The following PSMG2 variants were observed in gnomAD, a reference collection of about 807,000 sequenced individuals.
The protein encoded by PSMG2 is proteasome assembly chaperone 2, also known as CD40 ligand-activated specific transcript 3.
In PSMG2, 21 loss-of-function variants were observed where a neutral mutation model predicts 31.5. The observed-to-expected ratio is 0.67, with a 90% CI of 0.47 to 0.96. The LOEUF is 0.96. PSMG2 is among the 40% of genes least tolerant of loss of function. PSMG2 has a pLI of 0.00. For missense variants in PSMG2, 318 were observed against 321.2 expected (o/e 0.99, Z 0.08); for synonymous variants, 120 against 110.4 (o/e 1.09, Z -0.54).
chr18:12,662,081 G>T, intron 1 of PSMG2: 1 of 416,184 alleles, frequency 2.4e-6, no homozygotes, highest in South Asian at 1.8e-5. Flanking sequence ...TGGCTGTGCT[G>T]CTCTGAGTCT....
chr18:12,712,649 C>T, intron 2 of PSMG2, 53 bp from the exon 3 acceptor site: 1 of 1,327,072 alleles, frequency 7.5e-7, no homozygotes, highest in Non-Finnish European at 1.1e-6. Context: ...ATAATAATTT[C>T]AACTTGTATA....
At chr18:12,689,392 GAC>G (rs1211120458) in intron 1 of PSMG2, among the ~76,000 whole-genome samples, 2 of 152,166 alleles carry the variant, frequency 1.3e-5, no homozygotes, top group African/African-American at 4.8e-5. Flanking sequence ...ACTCCAATTT[GAC>G]ACAGACTTTG....
chr18:12,701,164 A>AC, upstream of PSMG2: 2 of 1,427,850 alleles, frequency 1.4e-6, no homozygotes, highest in Non-Finnish European at 1.9e-6. Context: ...GCAGTCAAAT[A>AC]CTGCTTCTGA....
chr18:12,692,066 A>T (rs961977675), intron 1 of PSMG2: 1 of 152,186 alleles, frequency 6.6e-6, no homozygotes, highest in Non-Finnish European at 1.5e-5. Context: ...CTGTAATCAC[A>T]ACATTTTGGG....
chr18:12,725,594 C>A lies in PSMG2; in HGVS notation c.*63C>A. 7.9e-7 allele frequency: 1 copy of A among 1,266,672 alleles called. No individual in the cohort carries two copies. The highest frequency in any genetic ancestry group is 1.4e-5 in the South Asian group (1 of 71,718). The allele number at this position is 1,266,672 out of a possible 1,614,324, so 78.5% of individuals were successfully genotyped here. On this transcript the variant is annotated 3_prime_UTR_variant, in exon 7 of 7. Coordinates refer to ENST00000317615, the MANE Select transcript of PSMG2 (RefSeq NM_020232.5). Reference sequence around the variant, plus strand: ...ACTACCAACACAGCTGTTAAACATTCTATACAAAAAAATTGTATGATCTGG... The same window carrying A: ...ACTACCAACACAGCTGTTAAACATTATATACAAAAAAATTGTATGATCTGG...
intron 1 of PSMG2, chr18:12,685,999 G>T (rs1598637442): frequency 3.5e-6 from 1 of 285,714 alleles, no homozygotes; most frequent in Non-Finnish European, 6.6e-6. Context: ...CCTCTAAATT[G>T]TTTAAAAATC....
intron 1 of PSMG2, chr18:12,674,506 GA>G: frequency 6.5e-7 from 1 of 1,541,462 alleles, no homozygotes; most frequent in Non-Finnish European, 9.0e-7. Context: ...CTCCTAAACT[GA>G]AAAAATGATT....
upstream of PSMG2, chr18:12,700,830 C>G (rs1215733881): frequency 3.1e-6 from 2 of 640,908 alleles, no homozygotes; most frequent in Non-Finnish European, 5.3e-6. Context: ...AACAAGGACA[C>G]TAGTAAACAG....
chr18:12,679,829 G>A (rs66808227), intron 1 of PSMG2, among the ~76,000 whole-genome samples: 36,021 of 151,948 alleles, frequency 0.24, 4,956 homozygotes, highest in Non-Finnish European at 0.32. Context: ...TTGGAAGGCC[G>A]TGGCAGGTAG....
At chr18:12,725,291 CAAAG>C (rs2040465937) in intron 6 of PSMG2, 144 bp from the exon 7 acceptor site, 1 of 536,670 alleles carries the variant, frequency 1.9e-6, no homozygotes, top group Non-Finnish European at 3.2e-6. Context: ...GACATGAAGA[CAAAG>C]AAACTTTATT....
chr18:12,677,996 AGTT>A (rs1032983814), intron 1 of PSMG2: 9 of 725,966 alleles, frequency 1.2e-5, no homozygotes, highest in Non-Finnish European at 1.8e-5. Flanking sequence ...TAGGGACTGT[AGTT>A]GTTTTGTTCA....
In PSMG2 at chr18:12,725,600, A is replaced by C; in HGVS notation, c.*69A>C. The stretch of plus-strand genomic sequence containing the variant: ...AACACAGCTGTTAAACATTCTATAC[A>C]AAAAAATTGTATGATCTGGTATTAG... On this transcript the variant is annotated 3_prime_UTR_variant, in exon 7 of 7. Coordinates refer to ENST00000317615, the MANE Select transcript of PSMG2 (RefSeq NM_020232.5). 1.7e-6 allele frequency: 2 copies of C among 1,185,920 alleles called. No individual in the cohort carries two copies. The highest frequency in any genetic ancestry group is 5.2e-5 in the East Asian group (2 of 38,172). 73.5% of individuals were successfully genotyped at this position (1,185,920 alleles called of 1,614,324 possible).
chr18:12,719,372 T>C (rs977099264), intron 4 of PSMG2, among the ~76,000 whole-genome samples: 2 of 152,184 alleles, frequency 1.3e-5, no homozygotes, highest in Non-Finnish European at 2.9e-5. Context: ...AATACTCTTA[T>C]ACTCTAAGAT....
intron 4 of PSMG2, among the ~76,000 whole-genome samples, chr18:12,718,871 A>T (rs1182474883): frequency 6.6e-6 from 1 of 152,028 alleles, no homozygotes; most frequent in Non-Finnish European, 1.5e-5. Context: ...AGAGAGAGAG[A>T]GTTTGGGAAC....
chr18:12,694,614 A>G (rs1042455154), intron 1 of PSMG2, among the ~76,000 whole-genome samples: 12 of 152,222 alleles, frequency 7.9e-5, no homozygotes, highest in African/African-American at 2.9e-4. Context: ...ATAAGCAGCA[A>G]GCTTTCAATA....
At chr18:12,695,099 A>G in intron 1 of PSMG2, among the ~76,000 whole-genome samples, 1 of 152,000 alleles carries the variant, frequency 6.6e-6, no homozygotes, top group Non-Finnish European at 1.5e-5. Flanking sequence ...TCTTGTCTTT[A>G]TTTTCTTCCT....
intron 1 of PSMG2, chr18:12,680,790 A>G: frequency 6.2e-6 from 10 of 1,613,478 alleles, no homozygotes; most frequent in South Asian, 2.2e-5. Flanking sequence ...ATCCAAGAAG[A>G]AGGCTGCACA....
chr18:12,667,590 G>A (rs1012066896), intron 1 of PSMG2, among the ~76,000 whole-genome samples: 10 of 150,150 alleles, frequency 6.7e-5, no homozygotes, highest in Admixed American at 2.0e-4. Context: ...TGAAACCCCC[G>A]TCTCTAGTAA....
At chr18:12,716,948 C>CTTTTTTTTTTTTT (rs56726339) in intron 3 of PSMG2, among the ~76,000 whole-genome samples, 1 of 116,782 alleles carries the variant, frequency 8.6e-6, no homozygotes, top group Non-Finnish European at 1.7e-5. Context: ...TTTTCTTTTA[C>CTTTTTTTTTTTTT]TTTTTTTTTT....
Sources: gnomAD v4.1 joint callset for allele counts (sites outside exome capture counted in the v4.1 genomes callset) on GRCh38, gnomAD v4.1.1 for gene constraint, MANE v1.5 for transcripts, NCBI Gene and HGNC (gene_info 2026-07-23, HGNC 2026-07-21) for gene names.